Variants in TBC1D5 observed in about 807,000 individuals in gnomAD.
TBC1D5 encodes the protein TBC1 domain family, member 5.
TBC1D5 carries 75 observed loss-of-function variants against 100.3 expected under a neutral mutation model. The observed-to-expected ratio is 0.75, with a 90% confidence interval of 0.62 to 0.91. The LOEUF (loss-of-function observed/expected upper bound fraction) is 0.91, where lower values mean the gene tolerates loss of function less well. Ranked by LOEUF, TBC1D5 falls within the 40% of genes least tolerant of loss-of-function variation. The probability of loss-of-function intolerance (pLI) is 0.00; values close to 1 mark genes in which losing one functional copy is unlikely to be tolerated. For missense variants in TBC1D5, 910 were observed against 942.4 expected (o/e 0.97, Z 0.45); for synonymous variants, 323 against 325.6 (o/e 0.99, Z 0.09).
chr3:17,610,743 G>A (rs372578934), intron 2 of TBC1D5, among the ~76,000 whole-genome samples: 3 of 152,300 alleles, frequency 2.0e-5, no homozygotes, highest in South Asian at 2.1e-4. Flanking sequence ...TGGGCCGGAC[G>A]TGGAGGCTAA....
rs2094506128 is a variant in TBC1D5 at position 17,434,800 on chromosome 3, T to C, written c.98-6281A>G. 2.6e-5 allele frequency among the ~76,000 whole-genome samples: 4 copies of C among 152,204 alleles called. No homozygotes were observed. In the South Asian group the frequency reaches 8.3e-4, roughly 32 times the overall value. On this transcript the variant is annotated intron_variant, in intron 3 of 21. Transcript: ENST00000253692. ...TCTGCAAATTTCTGCAGTGGGCTTG[T>C]AATTCTCCCCAGAATTTTTTTCCCC... is the stretch of plus-strand genomic sequence containing the variant.
At position 17,614,583 on chromosome 3, in the gene TBC1D5, T is replaced by A. The variant is rs547436638; in HGVS notation, c.-36+9266A>T. Among the ~76,000 whole-genome samples the A allele has an allele frequency of 4.2e-4, 64 of 152,334 alleles. 4 individuals carry two copies. In the South Asian group the frequency reaches 0.012, roughly 28 times the overall value. On this transcript the variant is annotated intron_variant, in intron 2 of 21. Coordinates refer to ENST00000253692, the Ensembl canonical transcript of TBC1D5. ...TTCGTTGAGCAGTGGTTTGTAGTTC[T>A]CCTTGAAGAGATCCTTCACATCCCT... is the stretch of plus-strand genomic sequence containing the variant.
chr3:17,404,619 G>A (rs2093722410), intron 7 of TBC1D5, 75 bp downstream of exon 7: 1 of 1,312,380 alleles, frequency 7.6e-7, no homozygotes, highest in Non-Finnish European at 1.0e-6. Flanking sequence ...TGCTTTCATG[G>A]TGACTGGCAA....
At chr3:17,492,039 C>G (rs540173928) in intron 3 of TBC1D5, among the ~76,000 whole-genome samples, 1 of 152,160 alleles carries the variant, frequency 6.6e-6, no homozygotes, top group South Asian at 2.1e-4. Flanking sequence ...TGTATGTGTA[C>G]AGGAATTTAT....
At chr3:17,250,308 G>A (rs1291146885) in intron 16 of TBC1D5, among the ~76,000 whole-genome samples, 1 of 152,150 alleles carries the variant, frequency 6.6e-6, no homozygotes. Context: ...ACTAGTCTCT[G>A]TTTCCTCTCC....
chr3:17,420,465 A>G (rs2094182004), intron 4 of TBC1D5, among the ~76,000 whole-genome samples: 1 of 152,152 alleles, frequency 6.6e-6, no homozygotes, highest in African/African-American at 2.4e-5. Context: ...ATATAGAGCT[A>G]CTATATAATA....
At chr3:17,235,315 G>C (rs2075771177) in intron 17 of TBC1D5, among the ~76,000 whole-genome samples, 1 of 152,154 alleles carries the variant, frequency 6.6e-6, no homozygotes, top group Admixed American at 6.5e-5. Context: ...AACTGATTAT[G>C]AAAACCATAA....
intron 1 of TBC1D5, among the ~76,000 whole-genome samples, chr3:17,692,978 A>G (rs1400428332): frequency 6.6e-6 from 1 of 152,204 alleles, no homozygotes; most frequent in African/African-American, 2.4e-5. Flanking sequence ...AAAAATACAA[A>G]CATTACATGG....
intron 12 of TBC1D5, 94 bp downstream of exon 12, chr3:17,374,377 A>C (rs2092611614): frequency 1.7e-6 from 2 of 1,164,866 alleles, no homozygotes; most frequent in Non-Finnish European, 2.4e-6. Flanking sequence ...AGCAATAATA[A>C]AGGCTATATA....
Position 17,339,660 on chromosome 3 carries a change from G to C in TBC1D5, c.996-31526C>G, listed in dbSNP as rs1402716802. On this transcript the variant is annotated intron_variant, in intron 13 of 21. Coordinates refer to ENST00000253692, the Ensembl canonical transcript of TBC1D5. ...AAATCTATAAATACAGCATTAGAAAGGATATATGTGTACATATGTACACAC... is the reference window on the plus strand; with the variant it reads ...AAATCTATAAATACAGCATTAGAAACGATATATGTGTACATATGTACACAC... 2.0e-5 allele frequency among the ~76,000 whole-genome samples: 3 copies of C among 152,140 alleles called. No individual in the cohort carries two copies. In the East Asian group the frequency reaches 5.8e-4, roughly 29 times the overall value.
At chr3:17,285,410 G>A (rs544287678) in intron 15 of TBC1D5, among the ~76,000 whole-genome samples, 17 of 151,186 alleles carry the variant, frequency 1.1e-4, no homozygotes, top group Admixed American at 2.6e-4. Context: ...ACAGGCGCCC[G>A]CTACCACGCC....
intron 18 of TBC1D5, among the ~76,000 whole-genome samples, chr3:17,200,612 G>T (rs563898242): frequency 6.6e-6 from 1 of 152,242 alleles, no homozygotes; most frequent in Non-Finnish European, 1.5e-5. Context: ...TGACAAAGAG[G>T]TTGGGGACTG....
intron 3 of TBC1D5, among the ~76,000 whole-genome samples, chr3:17,497,719 T>C (rs560977816): frequency 6.6e-6 from 1 of 152,318 alleles, no homozygotes; most frequent in Non-Finnish European, 1.5e-5. Context: ...TTTTCTACAT[T>C]TGGAAGAAGA....
In TBC1D5 at chr3:17,507,295, A is replaced by G. The variant is rs560635267; in HGVS notation, c.97+1179T>C. Among the ~76,000 whole-genome samples the G allele has an allele frequency of 8.6e-4, 131 of 152,252 alleles. 2 individuals are homozygous for G. The highest frequency in any genetic ancestry group is 1.6e-3 in the Non-Finnish European group (109 of 68,022). On this transcript the variant is annotated intron_variant, in intron 3 of 21. Transcript: ENST00000253692. Reference sequence around the variant, plus strand: ...AATAACTGAAATTGAAATGAACACTATTTTCATATTATCAAAATATTAAAC... The same window carrying G: ...AATAACTGAAATTGAAATGAACACTGTTTTCATATTATCAAAATATTAAAC...
chr3:17,169,620 G>C (rs1351705251), intron 19 of TBC1D5, among the ~76,000 whole-genome samples: 2 of 152,186 alleles, frequency 1.3e-5, no homozygotes, highest in Non-Finnish European at 1.5e-5. Flanking sequence ...TGGAATGACA[G>C]ATATAATTAG....
At chr3:17,233,623 G>A in intron 17 of TBC1D5, 62 bp downstream of exon 18, 1 of 953,632 alleles carries the variant, frequency 1.0e-6, no homozygotes, top group Non-Finnish European at 1.6e-6. Context: ...GAGTTTTGGA[G>A]TAGGCAATGA....
intron 14 of TBC1D5, among the ~76,000 whole-genome samples, chr3:17,302,871 T>A (rs780251665): frequency 6.6e-6 from 1 of 152,164 alleles, no homozygotes; most frequent in Non-Finnish European, 1.5e-5. Flanking sequence ...ATGAATGAGA[T>A]TTAAACTACT....
intron 1 of TBC1D5, among the ~76,000 whole-genome samples, chr3:17,728,751 A>G (rs2076317361): frequency 6.6e-6 from 1 of 152,160 alleles, no homozygotes; most frequent in South Asian, 2.1e-4. Context: ...AGACTTATAC[A>G]TAAAAATATG....
intron 2 of TBC1D5, among the ~76,000 whole-genome samples, chr3:17,572,404 C>T (rs73165729): frequency 0.072 from 10,968 of 151,904 alleles, 811 homozygotes; most frequent in African/African-American, 0.19. Flanking sequence ...AACTTAACCA[C>T]TTTAACTTAC....
Sources: allele counts gnomAD v4.1 joint callset (sites outside exome capture counted in the v4.1 genomes callset), GRCh38; gene constraint gnomAD v4.1.1; transcripts MANE v1.5; gene names NCBI Gene and HGNC (gene_info 2026-07-23, HGNC 2026-07-21).